Variants in RPS3 observed in about 807,000 individuals in gnomAD.
RPS3 encodes small ribosomal subunit protein uS3.
A neutral mutation model predicts 25.8 loss-of-function variants in RPS3; 2 were observed. The ratio of observed to expected loss-of-function variants is 0.08; its 90% CI spans 0.03 to 0.24. The LOEUF (loss-of-function observed/expected upper bound fraction) is 0.24. Ranked by LOEUF, RPS3 falls within the 10% of genes least tolerant of loss-of-function variation. The probability of loss-of-function intolerance (pLI) is 1.00; values close to 1 mark genes in which losing one functional copy is unlikely to be tolerated. For missense variants in RPS3, 107 were observed against 307.1 expected, an observed-to-expected ratio of 0.35 and a Z score of 4.87; for synonymous variants, 114 against 114.2, an observed-to-expected ratio of 1.00 and a Z score of 0.01.
intron 1 of RPS3, 121 bp downstream of exon 1, chr11:75,399,698 G>A: frequency 1.2e-6 from 1 of 850,598 alleles, no homozygotes; most frequent in South Asian, 1.6e-5. Context: ...AGGCTTCCTG[G>A]CGTTCCTGCG....
rs143925312 is a variant in RPS3, at chr11:75,402,322, G to A, written c.256-30G>A. 152 of 1,607,574 alleles carry A rather than the reference G, an allele frequency of 9.5e-5. No homozygotes were observed. The East Asian group carries it at 3.3e-3, about 35-fold the overall frequency. On this transcript the variant is annotated intron_variant, in intron 3 of 6. Coordinates refer to ENST00000531188, the MANE Select transcript of RPS3 (RefSeq NM_001005.5). ...CTTTCAGTTGAAAATAATGGTGATG[G>A]TAACAGGATATCCCTTGCTTCCTTT... is the stretch of plus-strand genomic sequence containing the variant.
At chr11:75,407,474 ATTATTT>A (rs1291567639), downstream of RPS3, among the ~76,000 whole-genome samples, 1 of 151,642 alleles carries the variant, frequency 6.6e-6, no homozygotes, top group African/African-American at 2.4e-5. Flanking sequence ...ATTATTTTTT[ATTATTT>A]TTATTTTTTG....
chr11:75,399,860 A>G, intron 1 of RPS3: 1 of 536,948 alleles, frequency 1.9e-6, no homozygotes, highest in Non-Finnish European at 3.3e-6. Context: ...CGGAATTAGT[A>G]AACGTGGTAT....
chr11:75,417,628 G>A (rs867620493), intron 6 of RPS3, among the ~76,000 whole-genome samples: 5 of 152,202 alleles, frequency 3.3e-5, no homozygotes, highest in South Asian at 2.1e-4. Flanking sequence ...TTAGTCGGGC[G>A]TGGCGGCACA....
At chr11:75,401,251 C>T (rs993386257) in intron 2 of RPS3, among the ~76,000 whole-genome samples, 2 of 152,194 alleles carry the variant, frequency 1.3e-5, no homozygotes, top group African/African-American at 4.8e-5. Context: ...GTAATTGCTT[C>T]TTAAAAGCTA....
chr11:75,402,326 C>T, intron 3 of RPS3, 26 bp from the exon 4 acceptor site: 1 of 1,608,936 alleles, frequency 6.2e-7, no homozygotes, highest in East Asian at 2.2e-5. Context: ...GTGATGGTAA[C>T]AGGATATCCC....
chr11:75,402,199 G>A, intron 3 of RPS3, 153 bp from the exon 4 acceptor site: 1 of 1,096,950 alleles, frequency 9.1e-7, no homozygotes, highest in Non-Finnish European at 1.3e-6. Context: ...TTTGTGTTGG[G>A]CCACAATCAA....
At chr11:75,407,469 T>C (rs1481285675), downstream of RPS3, among the ~76,000 whole-genome samples, 1 of 151,888 alleles carries the variant, frequency 6.6e-6, no homozygotes, top group African/African-American at 2.4e-5. Context: ...CGCAAATTAT[T>C]TTTTATTATT....
intron 1 of RPS3, chr11:75,400,440 C>T (rs770596810): frequency 1.7e-6 from 1 of 574,636 alleles, no homozygotes; most frequent in Admixed American, 1.9e-5. Context: ...TTCTCTTTGC[C>T]CAGGTGGCCT....
intron 3 of RPS3, 155 bp from the exon 4 acceptor site, chr11:75,402,197 G>A: frequency 9.4e-7 from 1 of 1,065,552 alleles, no homozygotes; most frequent in Non-Finnish European, 1.4e-6. Flanking sequence ...AATTTGTGTT[G>A]GGCCACAATC....
rs773466092 is a variant in RPS3, at chr11:75,404,260, C to T, written c.538+53C>T. On this transcript the variant is annotated intron_variant, in intron 5 of 6. Coordinates refer to ENST00000531188, the MANE Select transcript of RPS3 (RefSeq NM_001005.5). This position sits in a 1 kb window ranked among gnomAD's most constrained non-coding sequence, Gnocchi z 4.6. Reference sequence around the variant, plus strand: ...GGCATTTGTGGACAGATTTGGTTTTCCACAGACATCTTAAGTATTTGGGGG... The same window carrying T: ...GGCATTTGTGGACAGATTTGGTTTTTCACAGACATCTTAAGTATTTGGGGG... The T allele has an allele frequency of 5.4e-4, 814 of 1,513,088 alleles. No individual in the cohort carries two copies. Among genetic ancestry groups the T allele is most frequent in the Non-Finnish European group, 7.1e-4 (777 of 1,097,974 alleles). The allele number at this position is 1,513,088 out of a possible 1,614,324, so 93.7% of individuals were successfully genotyped here.
chr11:75,416,743 T>G (rs1372563075), intron 6 of RPS3, among the ~76,000 whole-genome samples: 1 of 152,114 alleles, frequency 6.6e-6, no homozygotes, highest in Admixed American at 6.6e-5. Context: ...CAGGCATCCA[T>G]CTAGTGATTA....
chr11:75,407,524 T>G (rs2135061441), downstream of RPS3, among the ~76,000 whole-genome samples: 1 of 152,206 alleles, frequency 6.6e-6, no homozygotes, highest in South Asian at 2.1e-4. Context: ...CAGGCTGGAG[T>G]GCAGTGGCGC....
In RPS3 at chr11:75,421,089, G is replaced by A. The variant is rs568417467; in HGVS notation, c.*4-638G>A. On this transcript the variant is annotated intron_variant, in intron 6 of 6. Coordinates refer to the RPS3 transcript ENST00000527446. ...CTTTGTCCTGAGCGTTCCCCATAGGGTGGGCGCAGGCAGGCTAACTGTCCC... is the reference window on the plus strand; with the variant it reads ...CTTTGTCCTGAGCGTTCCCCATAGGATGGGCGCAGGCAGGCTAACTGTCCC... 2.6e-4 allele frequency among the ~76,000 whole-genome samples: 40 copies of A among 152,284 alleles called. No individual in the cohort carries two copies. The South Asian group carries it at 7.5e-3, about 28-fold the overall frequency.
intron 2 of RPS3, 50 bp from the exon 3 acceptor site, chr11:75,401,590 G>A: frequency 8.1e-7 from 1 of 1,238,762 alleles, no homozygotes; most frequent in South Asian, 1.2e-5. Flanking sequence ...AAGATTTAAA[G>A]TTACATCTAG....
In RPS3 at chr11:75,404,509, T is replaced by G. The variant is rs1948256165; in HGVS notation, c.539-163T>G. 1.2e-6 allele frequency: 1 copy of G among 825,566 alleles called. No homozygotes were observed. The highest frequency in any genetic ancestry group is 1.7e-5 in the Admixed American group (1 of 58,982). The allele number at this position is 825,566 out of a possible 1,614,324, so 51.1% of individuals were successfully genotyped here. The stretch of plus-strand genomic sequence containing the variant: ...CATGTTCTGTGGTGCTGTGCACGAG[T>G]TCCTTTGGCAGAAGTGTCCTATTTA... On this transcript the variant is annotated intron_variant, in intron 5 of 6. Coordinates refer to ENST00000531188, the MANE Select transcript of RPS3 (RefSeq NM_001005.5). This position sits in a 1 kb window ranked among gnomAD's most constrained non-coding sequence, Gnocchi z 4.6.
intron 6 of RPS3, among the ~76,000 whole-genome samples, chr11:75,418,943 G>C (rs993517988): frequency 2.0e-5 from 3 of 152,204 alleles, no homozygotes; most frequent in African/African-American, 7.2e-5. Context: ...TGGTGAGCAG[G>C]AGAGCTGGAC....
downstream of RPS3, among the ~76,000 whole-genome samples, chr11:75,410,273 G>A (rs1345633017): frequency 3.3e-3 from 499 of 151,464 alleles, no homozygotes; most frequent in East Asian, 7.5e-3. Context: ...CTTCTCAGAC[G>A]GGGCGGTTGC....
At chr11:75,402,304 T>A (rs2135052732) in intron 3 of RPS3, 48 bp from the exon 4 acceptor site, 2 of 1,597,380 alleles carry the variant, frequency 1.3e-6, no homozygotes, top group East Asian at 4.5e-5. Context: ...CAACTTTCAG[T>A]TGAAAATAAT....
Sources: allele counts gnomAD v4.1 joint callset (sites outside exome capture counted in the v4.1 genomes callset), GRCh38; gene constraint gnomAD v4.1.1; non-coding constraint Gnocchi (gnomAD v3.1); transcripts MANE v1.5; gene names NCBI Gene and HGNC (gene_info 2026-07-23, HGNC 2026-07-21).